Variants in RAP1GAP2 observed in about 807,000 individuals in gnomAD.
The protein encoded by RAP1GAP2 is rap1 GTPase-activating protein 2.
A neutral mutation model predicts 95.0 loss-of-function variants in RAP1GAP2; 27 were observed. That is an observed-to-expected ratio of 0.28 (90% confidence interval 0.21 to 0.39). RAP1GAP2 has a LOEUF of 0.39. RAP1GAP2 is among the 10% of genes least tolerant of loss of function. RAP1GAP2 has a pLI of 1.00. For missense variants in RAP1GAP2, 771 were observed against 970.0 expected, an observed-to-expected ratio of 0.79 and a Z score of 2.72; for synonymous variants, 373 against 380.9, an observed-to-expected ratio of 0.98 and a Z score of 0.24.
At chr17:2,997,965 C>T (rs116848231) in intron 13 of RAP1GAP2, among the ~76,000 whole-genome samples, 1 of 151,784 alleles carries the variant, frequency 6.6e-6, no homozygotes, top group Non-Finnish European at 1.5e-5. Flanking sequence ...AAAGAAGAAC[C>T]CCCCTGGTTT....
At chr17:2,998,420 C>T (rs1254566827) in intron 14 of RAP1GAP2, 44 bp downstream of exon 14, 12 of 1,599,130 alleles carry the variant, frequency 7.5e-6, no homozygotes, top group Non-Finnish European at 8.6e-6. Context: ...GCCTCGACAC[C>T]TCACCCTGTG....
At chr17:2,938,017 T>G (rs2043355547) in intron 3 of RAP1GAP2, among the ~76,000 whole-genome samples, 1 of 152,180 alleles carries the variant, frequency 6.6e-6, no homozygotes, top group South Asian at 2.1e-4. Context: ...ACGGGCTTTG[T>G]GCCTGGTGGC....
chr17:2,780,094 A>G (rs995952201), intron 1 of RAP1GAP2, among the ~76,000 whole-genome samples: 1 of 152,120 alleles, frequency 6.6e-6, no homozygotes, highest in Non-Finnish European at 1.5e-5. Flanking sequence ...CTTGTTGTCC[A>G]GGCTGGAGTG....
Position 2,870,006 on chromosome 17 carries a change from A to C in RAP1GAP2, c.81-35278A>C, listed in dbSNP as rs1179473608. 1.4e-5 allele frequency among the ~76,000 whole-genome samples: 2 copies of C among 146,836 alleles called. No individual in the cohort carries two copies. The highest frequency in any genetic ancestry group is 5.5e-5 in the African/African-American group (2 of 36,482). On this transcript the variant is annotated intron_variant, in intron 2 of 24. Transcript: ENST00000254695. This position sits in a 1 kb window ranked among gnomAD's most constrained non-coding sequence, Gnocchi z 4.4. ...CTTTGAGATGGGCAGCAGCTACTCC[A>C]GGGTGCGTTGACCTGCAGAGCAGGC...
intron 14 of RAP1GAP2, among the ~76,000 whole-genome samples, chr17:3,000,070 C>T (rs2046101561): frequency 6.6e-6 from 1 of 152,208 alleles, no homozygotes; most frequent in Non-Finnish European, 1.5e-5. Context: ...GCCTCAGCCT[C>T]CCAAGTAGCT....
intron 17 of RAP1GAP2, among the ~76,000 whole-genome samples, chr17:3,012,276 G>A (rs1353478303): frequency 6.6e-6 from 1 of 151,622 alleles, no homozygotes; most frequent in African/African-American, 2.4e-5. Flanking sequence ...CACTTCTAAA[G>A]TTTGCATTTT....
chr17:3,033,369 C>T lies in RAP1GAP2; in HGVS notation c.*31-23C>T, dbSNP rs12950197. The T allele has an allele frequency of 0.13, 20,337 of 152,882 alleles. 1,393 individuals carry two copies. Among genetic ancestry groups the T allele is most frequent in the Middle Eastern group, 0.21 (61 of 296 alleles). The allele number at this position is 152,882 out of a possible 1,614,324, so 9.5% of individuals were successfully genotyped here. A position where few individuals can be genotyped will look rare whatever the true frequency, so the allele number is the denominator to read the frequency against. On this transcript the variant is annotated intron_variant, in intron 24 of 24. Transcript: ENST00000254695. The surrounding 1 kb of genome is among the most constrained non-coding windows in gnomAD (Gnocchi z 4.9). The stretch of plus-strand genomic sequence containing the variant: ...TCCTGTACGGAATGTTCGCTCATCG[C>T]CGCCTCCTCCTTGTCTCCTCAGGGA...
At chr17:2,789,927 T>G (rs2068881758) in intron 1 of RAP1GAP2, among the ~76,000 whole-genome samples, 3 of 152,162 alleles carry the variant, frequency 2.0e-5, no homozygotes, top group Admixed American at 2.0e-4. Flanking sequence ...AATGGGAAAT[T>G]TAGTCTGGAC....
chr17:2,959,189 CA>C (rs1174051911), intron 4 of RAP1GAP2, among the ~76,000 whole-genome samples: 1 of 152,162 alleles, frequency 6.6e-6, no homozygotes, highest in African/African-American at 2.4e-5. Context: ...CCTTCTCCCC[CA>C]GCTGGAGTCC....
Position 3,020,536 on chromosome 17 carries a change from G to C in RAP1GAP2, c.1692G>C (p.Ser564=). ...CACGGAGTCCCATCAAGCGACGCTC[G>C]GGGCTCTTCCCCCGCCTGCACACGG... is the stretch of plus-strand genomic sequence containing the variant. The part of the protein sequence containing the change: ...NQSRSPIKRR[S]GLFPRLHTGS... Residue 564 remains serine, a synonymous_variant, in exon 19 of 25, where the codon TCG becomes TCC. Coordinates refer to ENST00000254695, the MANE Select transcript of RAP1GAP2 (RefSeq NM_015085.5). The C allele has an allele frequency of 6.2e-7, 1 of 1,613,858 alleles. No individual in the cohort carries two copies. Among genetic ancestry groups the C allele is most frequent in the Admixed American group, 1.7e-5 (1 of 60,016 alleles).
chr17:2,797,097 CTGT>C lies in RAP1GAP2; in HGVS notation c.44+533_44+535del, dbSNP rs1483257066. Among the ~76,000 whole-genome samples, 1 of 152,010 alleles carries C rather than the reference CTGT, an allele frequency of 6.6e-6. No individual in the cohort carries two copies. The highest frequency in any genetic ancestry group is 1.9e-4 in the East Asian group (1 of 5,174). ...TGTGTGTGTGATGCTCCTGTCTGTG[CTGT>C]TGTTGTGGCCTTGTGGCAGGGGAGT... On this transcript the variant is annotated intron_variant, in intron 1 of 24. Coordinates refer to ENST00000254695, the MANE Select transcript of RAP1GAP2 (RefSeq NM_015085.5). The surrounding 1 kb of genome is among the most constrained non-coding windows in gnomAD (Gnocchi z 5.6).
intron 23 of RAP1GAP2, 23 bp from the exon 24 acceptor site, chr17:3,032,388 T>C (rs1486503359): frequency 6.2e-7 from 1 of 1,613,896 alleles, no homozygotes; most frequent in Non-Finnish European, 8.5e-7. Flanking sequence ...TTTAAACTCC[T>C]GTATGGATTT....
chr17:2,817,096 T>C lies in RAP1GAP2; in HGVS notation c.80+16546T>C, dbSNP rs2151511141. On this transcript the variant is annotated intron_variant, in intron 2 of 24. Transcript: ENST00000254695. Reference sequence around the variant, plus strand: ...TCCACTTCCCAGGCTCAAGCGTTTCTCGTGCCTCAGCCTCCTATGTAGCTG... The same window carrying C: ...TCCACTTCCCAGGCTCAAGCGTTTCCCGTGCCTCAGCCTCCTATGTAGCTG... Among the ~76,000 whole-genome samples, 2 of 113,318 alleles carry C rather than the reference T, an allele frequency of 1.8e-5. 1 individual carries two copies. The highest frequency in any genetic ancestry group is 5.8e-4 in the South Asian group (2 of 3,474). 74.3% of individuals were successfully genotyped at this position (113,318 alleles called of 152,430 possible). A position where few individuals can be genotyped will look rare whatever the true frequency, so the allele number is the denominator to read the frequency against.
intron 2 of RAP1GAP2, among the ~76,000 whole-genome samples, chr17:2,843,042 G>A (rs774655374): frequency 2.0e-4 from 31 of 152,102 alleles, no homozygotes; most frequent in Non-Finnish European, 3.4e-4. Context: ...GTCTGCCTCC[G>A]TGGAGTATAC....
intron 3 of RAP1GAP2, among the ~76,000 whole-genome samples, chr17:2,921,473 G>A (rs2042767535): frequency 6.6e-6 from 1 of 152,206 alleles, no homozygotes; most frequent in Non-Finnish European, 1.5e-5. Flanking sequence ...AAAGTCCTGG[G>A]ATTACAGGCA....
chr17:2,853,011 G>A (rs528402387), intron 2 of RAP1GAP2, among the ~76,000 whole-genome samples: 2 of 152,170 alleles, frequency 1.3e-5, no homozygotes, highest in Admixed American at 1.3e-4. Flanking sequence ...GGGCGGAGTG[G>A]GGGGCGCCCG....
At chr17:3,021,715 G>A (rs983389027) in intron 19 of RAP1GAP2, among the ~76,000 whole-genome samples, 11 of 152,216 alleles carry the variant, frequency 7.2e-5, no homozygotes, top group Admixed American at 2.6e-4. Flanking sequence ...GATTACAGGC[G>A]TGAGCCACCG....
intron 3 of RAP1GAP2, among the ~76,000 whole-genome samples, chr17:2,908,634 C>T (rs2042276562): frequency 6.6e-6 from 1 of 151,926 alleles, no homozygotes; most frequent in South Asian, 2.1e-4. Context: ...GGTTTGTAGC[C>T]AGTAGATACA....
At chr17:2,804,180 C>T (rs546430307) in intron 2 of RAP1GAP2, among the ~76,000 whole-genome samples, 5 of 152,352 alleles carry the variant, frequency 3.3e-5, no homozygotes, top group African/African-American at 1.2e-4. Flanking sequence ...CCCAGGCTCC[C>T]TGGTTGCCTT....
Sources: allele counts gnomAD v4.1 joint callset (sites outside exome capture counted in the v4.1 genomes callset), GRCh38; gene constraint gnomAD v4.1.1; non-coding constraint Gnocchi (gnomAD v3.1); transcripts MANE v1.5; gene names NCBI Gene and HGNC (gene_info 2026-07-23, HGNC 2026-07-21).